TENT2: variants seen among roughly 807,000 people sequenced by gnomAD.
TENT2 encodes terminal nucleotidyltransferase 2.
TENT2 carries 44 observed loss-of-function variants against 72.2 expected under a neutral mutation model. The ratio of observed to expected loss-of-function variants is 0.61; its 90% CI spans 0.48 to 0.78. The LOEUF (loss-of-function observed/expected upper bound fraction) is 0.78. Ranked by LOEUF, TENT2 falls within the 30% of genes least tolerant of loss-of-function variation. The pLI is 0.00. For missense variants in TENT2, 541 were observed against 569.6 expected (o/e 0.95, Z 0.51); for synonymous variants, 212 against 192.5 (o/e 1.10, Z -0.84).
intron 11 of TENT2, among the ~76,000 whole-genome samples, chr5:79,660,189 G>A (rs527640126): frequency 6.6e-6 from 1 of 151,882 alleles, no homozygotes; most frequent in South Asian, 2.1e-4. Flanking sequence ...AGGGATAAAA[G>A]GCTATAAACA....
At chr5:79,619,242 G>A (rs1561448379) in intron 1 of TENT2, among the ~76,000 whole-genome samples, 1 of 152,184 alleles carries the variant, frequency 6.6e-6, no homozygotes, top group African/African-American at 2.4e-5. Context: ...GATGTCATGT[G>A]ATGGTTTATA....
intron 1 of TENT2, among the ~76,000 whole-genome samples, chr5:79,615,357 C>A (rs1758822312): frequency 6.6e-6 from 1 of 152,120 alleles, no homozygotes; most frequent in Non-Finnish European, 1.5e-5. Context: ...GGAAAAACAG[C>A]ATATTTTTTA....
chr5:79,657,731 C>A (rs539953685), intron 11 of TENT2, among the ~76,000 whole-genome samples: 1 of 152,024 alleles, frequency 6.6e-6, no homozygotes, highest in Non-Finnish European at 1.5e-5. Flanking sequence ...CATAGTCATT[C>A]TTTTTCCTGC....
chr5:79,662,976 T>C (rs934349517), intron 11 of TENT2, among the ~76,000 whole-genome samples: 1 of 152,224 alleles, frequency 6.6e-6, no homozygotes, highest in Admixed American at 6.5e-5. Flanking sequence ...TGTTGTTCAG[T>C]GTAGCCATGT....
chr5:79,656,042 T>C (rs1797718457), intron 10 of TENT2, among the ~76,000 whole-genome samples: 1 of 151,966 alleles, frequency 6.6e-6, no homozygotes, highest in Non-Finnish European at 1.5e-5. Context: ...TGCTTTGTTA[T>C]TGAGTTTATG....
At chr5:79,620,483 A>G (rs1763870142) in intron 3 of TENT2, 1 of 153,774 alleles carries the variant, frequency 6.5e-6, no homozygotes, top group Non-Finnish European at 1.4e-5. Context: ...ACACAACAGA[A>G]ATTTATTTTC....
At chr5:79,675,822 G>A (rs1470938802) in intron 12 of TENT2, among the ~76,000 whole-genome samples, 1 of 152,156 alleles carries the variant, frequency 6.6e-6, no homozygotes, top group Non-Finnish European at 1.5e-5. Context: ...GGTTGTAAAT[G>A]TTAGCCTGGA....
At chr5:79,621,942 G>T (rs1419560785) in intron 3 of TENT2, among the ~76,000 whole-genome samples, 3 of 151,960 alleles carry the variant, frequency 2.0e-5, no homozygotes, top group Admixed American at 2.0e-4. Flanking sequence ...GTGAGTAGGG[G>T]TTCCACTTAT....
chr5:79,631,089 A>G (rs985255718), intron 4 of TENT2, among the ~76,000 whole-genome samples: 10 of 152,178 alleles, frequency 6.6e-5, no homozygotes, highest in Admixed American at 6.5e-5. Context: ...TCGACATTTT[A>G]GGCCAGCTTA....
At chr5:79,658,288 TGAAA>T (rs1799357916) in intron 11 of TENT2, among the ~76,000 whole-genome samples, 3 of 152,182 alleles carry the variant, frequency 2.0e-5, no homozygotes, top group Admixed American at 6.5e-5. Flanking sequence ...TTATGAAAAA[TGAAA>T]GAAAGAACAG....
In TENT2 at chr5:79,687,814, A is replaced by G. The variant is rs904990093; in HGVS notation, c.*2541A>G. Among the ~76,000 whole-genome samples the G allele has an allele frequency of 1.3e-5, 2 of 152,238 alleles. No homozygotes were observed. Among genetic ancestry groups the G allele is most frequent in the African/African-American group, 2.4e-5 (1 of 41,464 alleles). On this transcript the variant is annotated 3_prime_UTR_variant, in exon 15 of 15. Transcript: ENST00000453514. ...TTTGAACTAGGATCTTTGCAAATAA[A>G]TCTCATAGACATTAATGTTTGTAAG...
At chr5:79,637,167 A>G (rs1308287496) in intron 4 of TENT2, among the ~76,000 whole-genome samples, 1 of 152,116 alleles carries the variant, frequency 6.6e-6, no homozygotes, top group African/African-American at 2.4e-5. Context: ...GGAGGTCAAG[A>G]CAGCAGTGAG....
intron 11 of TENT2, among the ~76,000 whole-genome samples, chr5:79,666,359 G>A (rs765254931): frequency 1.4e-4 from 21 of 151,496 alleles, no homozygotes; most frequent in Non-Finnish European, 2.9e-4. Context: ...TTAAAAACTG[G>A]GGATGTCTTT....
chr5:79,621,979 A>G (rs1291790775), intron 3 of TENT2, among the ~76,000 whole-genome samples: 1 of 151,910 alleles, frequency 6.6e-6, no homozygotes, highest in Non-Finnish European at 1.5e-5. Context: ...GGAGAGAGAA[A>G]TTGACATAAT....
Position 79,612,546 on chromosome 5 carries a change from A to C in TENT2, c.-567A>C, listed in dbSNP as rs1043217589. ...TTTTTGCCACCGCCCCCAACCTTCT[A>C]TATCCTTGCAGCCCCTACCTTTTCT... On this transcript the variant is annotated 5_prime_UTR_variant, in exon 1 of 15. Transcript: ENST00000453514. The C allele has an allele frequency of 1.3e-5, 2 of 152,876 alleles. No homozygotes were observed. Among genetic ancestry groups the C allele is most frequent in the African/African-American group, 4.8e-5 (2 of 41,340 alleles). The allele number at this position is 152,876 out of a possible 1,614,324, so 9.5% of individuals were successfully genotyped here.
intron 4 of TENT2, among the ~76,000 whole-genome samples, chr5:79,628,849 A>G (rs1374795217): frequency 6.6e-6 from 1 of 152,234 alleles, no homozygotes; most frequent in Non-Finnish European, 1.5e-5. Context: ...CGAGAACACT[A>G]TCAAAAATAA....
At chr5:79,622,334 C>T (rs1222392917) in intron 3 of TENT2, among the ~76,000 whole-genome samples, 1 of 151,932 alleles carries the variant, frequency 6.6e-6, no homozygotes, top group Non-Finnish European at 1.5e-5. Context: ...ATAGAATTTT[C>T]AGGCTTAAAA....
intron 10 of TENT2, 108 bp downstream of exon 10, chr5:79,649,298 CT>C (rs1346957711): frequency 8.6e-6 from 9 of 1,046,430 alleles, no homozygotes; most frequent in Non-Finnish European, 1.2e-5. Flanking sequence ...AAAGTTCTTT[CT>C]AAGGTCCATG....
At chr5:79,616,421 C>G (rs1055013217) in intron 1 of TENT2, among the ~76,000 whole-genome samples, 1 of 152,020 alleles carries the variant, frequency 6.6e-6, no homozygotes, top group African/African-American at 2.4e-5. Flanking sequence ...TCTTGAACTC[C>G]TGACCTTAGG....
Sources: gnomAD v4.1 joint callset for allele counts (sites outside exome capture counted in the v4.1 genomes callset) on GRCh38, gnomAD v4.1.1 for gene constraint, MANE v1.5 for transcripts, NCBI Gene and HGNC (gene_info 2026-07-23, HGNC 2026-07-21) for gene names.